Variants in CFAP77 observed in about 807,000 individuals in gnomAD.
CFAP77 encodes cilia and flagella associated protein 77, also known as cilia- and flagella-associated protein 77.
In CFAP77, 25 loss-of-function variants were observed where a neutral mutation model predicts 31.1. The ratio of observed to expected loss-of-function variants is 0.80; its 90% CI spans 0.59 to 1.12. CFAP77 has a LOEUF of 1.12. Ranked by LOEUF, CFAP77 falls within the 50% of genes most tolerant of loss-of-function variation. The probability of loss-of-function intolerance (pLI) is 0.00; values close to 1 mark genes in which losing one functional copy is unlikely to be tolerated. For synonymous variants in CFAP77, 151 were observed against 159.9 expected (o/e 0.94, Z 0.42); for missense variants, 377 against 397.3 (o/e 0.95, Z 0.44).
chr9:132,529,519 A>AAAAAAAAAAAC (rs1852397724), intron 3 of CFAP77, among the ~76,000 whole-genome samples: 1 of 115,662 alleles, frequency 8.6e-6, no homozygotes, highest in Non-Finnish European at 1.9e-5. Flanking sequence ...AAAAAAAAAA[A>AAAAAAAAAAAC]CAAAAAAAAA....
chr9:132,417,644 T>C (rs563519929), intron 1 of CFAP77, among the ~76,000 whole-genome samples: 36 of 152,190 alleles, frequency 2.4e-4, no homozygotes, highest in Non-Finnish European at 4.6e-4. Context: ...AATGGAATGG[T>C]AATAGTTAGC....
intron 1 of CFAP77, among the ~76,000 whole-genome samples, chr9:132,470,738 G>T (rs192155018): frequency 1.3e-5 from 2 of 152,356 alleles, no homozygotes; most frequent in East Asian, 3.9e-4. Flanking sequence ...GCCGGGCACG[G>T]TGGCTTACGC....
In CFAP77 at chr9:132,482,379, C is replaced by T. The variant is rs182560900; in HGVS notation, c.196-16316C>T. On this transcript the variant is annotated intron_variant, in intron 1 of 5. Coordinates refer to ENST00000393216, the MANE Select transcript of CFAP77 (RefSeq NM_001282957.2). ...CTCCTCAGCGGTGCAGAAAGTTATT[C>T]CTTCCCTTGCTGGACACCACATCAA... is the stretch of plus-strand genomic sequence containing the variant. 8.1e-6 allele frequency: 13 copies of T among 1,613,956 alleles called. No individual in the cohort carries two copies. In the Admixed American group the frequency reaches 1.2e-4, roughly 14 times the overall value.
intron 5 of CFAP77, among the ~76,000 whole-genome samples, chr9:132,543,867 T>C (rs1015205894): frequency 3.9e-5 from 6 of 152,066 alleles, no homozygotes; most frequent in Non-Finnish European, 8.8e-5. Context: ...GAAAGAACAA[T>C]GTAAGAGCCG....
At chr9:132,570,627 C>T (rs1829946009) in intron 5 of CFAP77, among the ~76,000 whole-genome samples, 2 of 152,186 alleles carry the variant, frequency 1.3e-5, no homozygotes, top group South Asian at 2.1e-4. Flanking sequence ...GGGCCCATGG[C>T]TTTCCAAAGA....
intron 5 of CFAP77, 97 bp downstream of exon 5, chr9:132,543,144 C>G: frequency 2.1e-6 from 2 of 946,276 alleles, no homozygotes. Flanking sequence ...CTGTGGGCTT[C>G]TCACCATCGA....
At chr9:132,428,602 G>A (rs1182381907) in intron 1 of CFAP77, among the ~76,000 whole-genome samples, 7 of 152,076 alleles carry the variant, frequency 4.6e-5, no homozygotes, top group African/African-American at 1.4e-4. Context: ...GCGACAGAGC[G>A]AGACTCTGTC....
At chr9:132,461,045 T>A (rs1851040361) in intron 1 of CFAP77, among the ~76,000 whole-genome samples, 1 of 152,128 alleles carries the variant, frequency 6.6e-6, no homozygotes, top group South Asian at 2.1e-4. Flanking sequence ...AATTTTATAC[T>A]ACGTAATTTT....
intron 1 of CFAP77, among the ~76,000 whole-genome samples, chr9:132,489,148 C>T (rs1851613517): frequency 6.6e-6 from 1 of 152,218 alleles, no homozygotes; most frequent in African/African-American, 2.4e-5. Context: ...TAGCCTCCAA[C>T]ACTTCAGAAT....
chr9:132,425,474 A>G (rs879281933), intron 1 of CFAP77, among the ~76,000 whole-genome samples: 1 of 152,094 alleles, frequency 6.6e-6, no homozygotes, highest in Non-Finnish European at 1.5e-5. Context: ...ATGGTAATCA[A>G]TCTAGGGACC....
In CFAP77 at chr9:132,494,518, T is replaced by C. The variant is rs545059892; in HGVS notation, c.196-4177T>C. On this transcript the variant is annotated intron_variant, in intron 1 of 5. Transcript: ENST00000393216. ...GGCCACTTGGGTTGTTTCTAGCAGT[T>C]GGCTATCATGAATTGAGCTGCTATG... Among the ~76,000 whole-genome samples, 6 of 152,368 alleles carry C rather than the reference T, an allele frequency of 3.9e-5. No homozygotes were observed. The South Asian group carries it at 1.2e-3, about 32-fold the overall frequency.
chr9:132,486,048 A>T lies in CFAP77; in HGVS notation c.196-12647A>T, dbSNP rs1269659273. ...TATATATATATATATATATGTATGT[A>T]TATGTATGTGTGTGTGTGTATATAT... On this transcript the variant is annotated intron_variant, in intron 1 of 5. Transcript: ENST00000393216. Among the ~76,000 whole-genome samples the T allele has an allele frequency of 1.9e-3, 69 of 36,848 alleles. 8 individuals carry two copies. The highest frequency in any genetic ancestry group is 2.4e-3 in the Non-Finnish European group (56 of 23,696). 24.2% of individuals were successfully genotyped at this position (36,848 alleles called of 152,430 possible). A position where few individuals can be genotyped will look rare whatever the true frequency, so the allele number is the denominator to read the frequency against.
intron 3 of CFAP77, among the ~76,000 whole-genome samples, chr9:132,534,504 C>T (rs190780931): frequency 4.7e-5 from 7 of 148,284 alleles, no homozygotes; most frequent in East Asian, 2.0e-4. Context: ...CCCAGCTACT[C>T]GGGAGGCTAA....
intron 4 of CFAP77, among the ~76,000 whole-genome samples, chr9:132,542,461 G>A (rs77581477): frequency 0.056 from 8,572 of 152,266 alleles, 340 homozygotes; most frequent in Middle Eastern, 0.16. Context: ...CAGAGACACC[G>A]TGGTGGGAGG....
chr9:132,454,273 T>C (rs1246665136), intron 1 of CFAP77, among the ~76,000 whole-genome samples: 1 of 152,036 alleles, frequency 6.6e-6, no homozygotes, highest in Non-Finnish European at 1.5e-5. Flanking sequence ...TTCAGGAGGG[T>C]TGTAACTCAT....
chr9:132,551,254 C>T (rs1035127610), intron 5 of CFAP77, among the ~76,000 whole-genome samples: 3 of 151,220 alleles, frequency 2.0e-5, no homozygotes, highest in Non-Finnish European at 2.9e-5. Flanking sequence ...CACGTCCTGA[C>T]TCCTTCTTGG....
chr9:132,448,054 C>T (rs1564207360), intron 1 of CFAP77, among the ~76,000 whole-genome samples: 1 of 152,164 alleles, frequency 6.6e-6, no homozygotes, highest in African/African-American at 2.4e-5. Flanking sequence ...GAGGTGCTAG[C>T]TGTTCTCAAG....
At chr9:132,442,886 C>T (rs1482640897) in intron 1 of CFAP77, among the ~76,000 whole-genome samples, 4 of 152,058 alleles carry the variant, frequency 2.6e-5, no homozygotes, top group Admixed American at 1.3e-4. Flanking sequence ...CATGCATTCA[C>T]GATGTTGTAC....
rs1344408252 is a variant in CFAP77, at chr9:132,481,590, G to T, written c.196-17105G>T. ...TGAGGCCTCTGCATCATCTGCCCTA[G>T]GAAATGTCAACCCAGAACCAATCAT... On this transcript the variant is annotated intron_variant, in intron 1 of 5. Transcript: ENST00000393216. The surrounding 1 kb of genome is among the most constrained non-coding windows in gnomAD (Gnocchi z 5.0). 6.6e-6 allele frequency among the ~76,000 whole-genome samples: 1 copy of T among 152,126 alleles called. No individual in the cohort carries two copies. Among genetic ancestry groups the T allele is most frequent in the Non-Finnish European group, 1.5e-5 (1 of 68,040 alleles).
Sources: gnomAD v4.1 joint callset for allele counts (sites outside exome capture counted in the v4.1 genomes callset) on GRCh38, gnomAD v4.1.1 for gene constraint, Gnocchi (gnomAD v3.1) non-coding constraint, MANE v1.5 for transcripts, NCBI Gene and HGNC (gene_info 2026-07-23, HGNC 2026-07-21) for gene names.